The following CPNE8 variants were observed in gnomAD, a reference collection of about 807,000 sequenced individuals.
The protein encoded by CPNE8 is copine-8.
In CPNE8, 45 loss-of-function variants were observed where a neutral mutation model predicts 81.5. The ratio of observed to expected loss-of-function variants is 0.55; its 90% confidence interval spans 0.44 to 0.71. CPNE8 has a LOEUF of 0.71. Ranked by LOEUF, CPNE8 falls within the 30% of genes least tolerant of loss-of-function variation. The pLI, the probability that CPNE8 is intolerant of heterozygous loss-of-function variation, is 0.00. For missense variants in CPNE8, 594 were observed against 672.1 expected, an observed-to-expected ratio of 0.88 and a Z score of 1.28; for synonymous variants, 252 against 226.3, an observed-to-expected ratio of 1.11 and a Z score of -1.02.
chr12:38,685,609 A>T lies in CPNE8; in HGVS notation c.1152T>A (p.Asn384Lys), dbSNP rs1939515391. 1 of 1,610,876 alleles carries T rather than the reference A, an allele frequency of 6.2e-7. No individual in the cohort carries two copies. The highest frequency in any genetic ancestry group is 1.3e-5 in the African/African-American group (1 of 74,736). Residue 384 changes from asparagine to lysine, a missense_variant, in exon 16 of 20, where the codon AAT (asparagine) becomes AAA (lysine). Asn to Lys is a moderately conservative substitution (Grantham distance 94, BLOSUM62 0). Transcript: ENST00000331366. Reference sequence around the variant, plus strand: ...TGCCATCACAGTAGGGGTTTTGAGGATTCCCATTCTGTAGAAATTTATAGG... The same window carrying T: ...TGCCATCACAGTAGGGGTTTTGAGGTTTCCCATTCTGTAGAAATTTATAGG... ...RISHEFALNG[N>K]PQNPYCDGIE...
chr12:38,726,307 CG>C (rs1940696147), intron 11 of CPNE8: 1 of 151,194 alleles, frequency 6.6e-6, no homozygotes, highest in Non-Finnish European at 1.5e-5. Flanking sequence ...GAATAAAGTA[CG>C]TTTTTCAGAT....
chr12:38,696,691 T>C (rs941033148), intron 14 of CPNE8, among the ~76,000 whole-genome samples: 4 of 152,188 alleles, frequency 2.6e-5, no homozygotes, highest in African/African-American at 4.8e-5. Flanking sequence ...CACAGTTCAA[T>C]AGAATATTTT....
At chr12:38,654,685 AG>A (rs1240412951) in intron 19 of CPNE8, among the ~76,000 whole-genome samples, 6 of 151,998 alleles carry the variant, frequency 3.9e-5, no homozygotes, top group Non-Finnish European at 7.3e-5. Context: ...TGTCTTCTGC[AG>A]TTTTAGGTTC....
chr12:38,730,280 T>A lies in CPNE8; in HGVS notation c.798+3A>T, dbSNP rs753727964. On this transcript the variant is annotated splice_donor_region_variant and intron_variant, in intron 11 of 19. Coordinates refer to ENST00000331366, the MANE Select transcript of CPNE8 (RefSeq NM_153634.3). ...AACAATGGTAAAATAAAATGCCTCT[T>A]ACCTCATATACGTTGAATTGTGACT... 6.5e-7 allele frequency: 1 copy of A among 1,532,922 alleles called. No homozygotes were observed. Among genetic ancestry groups the A allele is most frequent in the Non-Finnish European group, 9.0e-7 (1 of 1,109,218 alleles). The allele number at this position is 1,532,922 out of a possible 1,614,324, so 95.0% of individuals were successfully genotyped here.
chr12:38,781,302 T>A (rs1942047934), intron 6 of CPNE8, among the ~76,000 whole-genome samples: 1 of 151,968 alleles, frequency 6.6e-6, no homozygotes, highest in South Asian at 2.1e-4. Context: ...AGAGGAATAG[T>A]TACTGATGTA....
At chr12:38,673,237 AGCCATG>A (rs1293595723) in intron 18 of CPNE8, among the ~76,000 whole-genome samples, 1 of 152,176 alleles carries the variant, frequency 6.6e-6, no homozygotes, top group Non-Finnish European at 1.5e-5. Context: ...AGGCCTTCCC[AGCCATG>A]TGGAACTGTG....
At chr12:38,906,571 G>T, upstream of CPNE8, 1 of 985,536 alleles carries the variant, frequency 1.0e-6, no homozygotes, top group South Asian at 4.7e-5. Flanking sequence ...ACTCCCACCC[G>T]CAAGAACTGA....
At chr12:38,830,616 C>A (rs543434199) in intron 5 of CPNE8, among the ~76,000 whole-genome samples, 3 of 152,064 alleles carry the variant, frequency 2.0e-5, no homozygotes, top group Admixed American at 2.0e-4. Flanking sequence ...GTACTGAACA[C>A]GACCAAGAAA....
At chr12:38,695,335 A>G (rs1403335176) in intron 14 of CPNE8, among the ~76,000 whole-genome samples, 1 of 152,186 alleles carries the variant, frequency 6.6e-6, no homozygotes, top group Non-Finnish European at 1.5e-5. Flanking sequence ...CCTAACTTCA[A>G]TAAGAACCAA....
chr12:38,703,473 G>T (rs994937281), intron 13 of CPNE8, among the ~76,000 whole-genome samples: 4 of 151,992 alleles, frequency 2.6e-5, no homozygotes, highest in African/African-American at 9.7e-5. Flanking sequence ...AATAAGGGCC[G>T]TCTATGACAA....
chr12:38,783,528 T>G (rs1942100918), intron 6 of CPNE8, among the ~76,000 whole-genome samples: 1 of 151,972 alleles, frequency 6.6e-6, no homozygotes, highest in Non-Finnish European at 1.5e-5. Context: ...TAGCAGAAAG[T>G]AAAACCAAAC....
At chr12:38,690,599 T>A (rs963326139) in intron 15 of CPNE8, among the ~76,000 whole-genome samples, 1 of 152,094 alleles carries the variant, frequency 6.6e-6, no homozygotes, top group Non-Finnish European at 1.5e-5. Context: ...AAAATATATA[T>A]CATTCCTTAG....
chr12:38,726,358 A>G (rs1476724070), intron 11 of CPNE8: 2 of 152,142 alleles, frequency 1.3e-5, no homozygotes, highest in Non-Finnish European at 2.9e-5. Context: ...TCATCCATTC[A>G]TTCATTCCAC....
intron 7 of CPNE8, among the ~76,000 whole-genome samples, chr12:38,768,320 A>G (rs897012425): frequency 6.6e-5 from 10 of 152,112 alleles, no homozygotes; most frequent in African/African-American, 2.2e-4. Context: ...CTGAAATTAC[A>G]ATTTGCATGT....
At chr12:38,695,814 CT>C (rs1939781222) in intron 14 of CPNE8, among the ~76,000 whole-genome samples, 1 of 152,052 alleles carries the variant, frequency 6.6e-6, no homozygotes, top group Non-Finnish European at 1.5e-5. Context: ...TGGCATGTGC[CT>C]GTAGTCTCAG....
At chr12:38,772,715 A>C (rs1446368397) in intron 7 of CPNE8, among the ~76,000 whole-genome samples, 1 of 152,222 alleles carries the variant, frequency 6.6e-6, no homozygotes, top group Non-Finnish European at 1.5e-5. Flanking sequence ...GAGGTTCCTC[A>C]AAAATTAAAA....
At chr12:38,819,550 A>G (rs1049726078) in intron 6 of CPNE8, among the ~76,000 whole-genome samples, 1 of 151,902 alleles carries the variant, frequency 6.6e-6, no homozygotes, top group Non-Finnish European at 1.5e-5. Context: ...GGCGGATCAC[A>G]AGGTCAGGAG....
chr12:38,751,331 T>A (rs962426618), intron 10 of CPNE8, among the ~76,000 whole-genome samples: 19 of 152,182 alleles, frequency 1.2e-4, no homozygotes, highest in Non-Finnish European at 1.8e-4. Flanking sequence ...TCGCCTTTTT[T>A]AAAAAAATTG....
At chr12:38,864,549 G>A (rs1198363488) in intron 3 of CPNE8, among the ~76,000 whole-genome samples, 1 of 152,098 alleles carries the variant, frequency 6.6e-6, no homozygotes. Context: ...CCTCAACAAA[G>A]TCCTCACATT....
Sources: allele counts gnomAD v4.1 joint callset (sites outside exome capture counted in the v4.1 genomes callset), GRCh38; gene constraint gnomAD v4.1.1; transcripts MANE v1.5; gene names NCBI Gene and HGNC (gene_info 2026-07-23, HGNC 2026-07-21).